DGKB: variants seen among roughly 807,000 people sequenced by gnomAD.
The protein encoded by DGKB is 90 kDa diacylglycerol kinase.
In DGKB, 67 loss-of-function variants were observed where a neutral mutation model predicts 114.3. The ratio of observed to expected loss-of-function variants is 0.59; its 90% confidence interval spans 0.48 to 0.72. The LOEUF is 0.72. Ranked by LOEUF, DGKB falls within the 30% of genes least tolerant of loss-of-function variation. The pLI is 0.00. For synonymous variants in DGKB, 398 were observed against 323.1 expected (o/e 1.23, Z -2.49); for missense variants, 907 against 975.2 (o/e 0.93, Z 0.93).
chr7:14,495,497 G>A (rs930595877), intron 20 of DGKB, among the ~76,000 whole-genome samples: 1 of 151,688 alleles, frequency 6.6e-6, no homozygotes, highest in African/African-American at 2.4e-5. Flanking sequence ...CAGCAAAATA[G>A]ACGAAACAAA....
chr7:14,368,443 C>T (rs571595040), intron 21 of DGKB, among the ~76,000 whole-genome samples: 1 of 152,150 alleles, frequency 6.6e-6, no homozygotes, highest in East Asian at 1.9e-4. Context: ...TAGCACTAGG[C>T]GTGGCACACA....
chr7:14,442,326 G>T (rs1830188372), intron 21 of DGKB, among the ~76,000 whole-genome samples: 1 of 151,002 alleles, frequency 6.6e-6, no homozygotes, highest in South Asian at 2.1e-4. Flanking sequence ...TTCTTTTTTT[G>T]TTACTTGGGT....
intron 1 of DGKB, among the ~76,000 whole-genome samples, chr7:14,871,573 G>T (rs1390909740): frequency 6.6e-6 from 1 of 152,142 alleles, no homozygotes; most frequent in Non-Finnish European, 1.5e-5. Context: ...AATACGCCTA[G>T]ATACTTGGTA....
At chr7:14,389,307 T>C (rs1042970118) in intron 21 of DGKB, among the ~76,000 whole-genome samples, 5 of 152,212 alleles carry the variant, frequency 3.3e-5, no homozygotes, top group Non-Finnish European at 4.4e-5. Flanking sequence ...TGCACACCAT[T>C]ATGTTGTCCC....
At chr7:14,367,778 G>A (rs1310124173) in intron 21 of DGKB, among the ~76,000 whole-genome samples, 1 of 152,018 alleles carries the variant, frequency 6.6e-6, no homozygotes, top group Non-Finnish European at 1.5e-5. Context: ...AGGGAAGCAA[G>A]CACCTTTGTC....
chr7:14,669,454 C>T (rs886620074), intron 13 of DGKB, among the ~76,000 whole-genome samples: 3 of 152,138 alleles, frequency 2.0e-5, no homozygotes, highest in Non-Finnish European at 4.4e-5. Flanking sequence ...GTTCTGTCCC[C>T]AGATAGCCAC....
intron 8 of DGKB, among the ~76,000 whole-genome samples, chr7:14,694,643 G>T (rs1427300210): frequency 6.6e-6 from 1 of 152,154 alleles, no homozygotes; most frequent in African/African-American, 2.4e-5. Context: ...ATTTAATAGA[G>T]TCGAGAAGTT....
intron 20 of DGKB, among the ~76,000 whole-genome samples, chr7:14,544,237 C>T (rs1204549585): frequency 6.6e-6 from 1 of 152,018 alleles, no homozygotes; most frequent in African/African-American, 2.4e-5. Flanking sequence ...CTTTTGTAGG[C>T]CTTTAAAAAT....
chr7:14,355,489 G>C (rs76905226), intron 21 of DGKB, among the ~76,000 whole-genome samples: 6 of 152,058 alleles, frequency 3.9e-5, no homozygotes, highest in Admixed American at 6.6e-5. Flanking sequence ...TAGCATGAAG[G>C]GCTGTTGAAT....
chr7:14,636,320 G>A (rs1299123079), intron 13 of DGKB, among the ~76,000 whole-genome samples: 7 of 151,734 alleles, frequency 4.6e-5, no homozygotes, highest in Admixed American at 3.9e-4. Context: ...GAATGATGCA[G>A]AACCTTTCCT....
chr7:14,307,151 G>C (rs533430349), intron 23 of DGKB, among the ~76,000 whole-genome samples: 100 of 152,154 alleles, frequency 6.6e-4, no homozygotes, highest in African/African-American at 2.3e-3. Flanking sequence ...AATAATATTA[G>C]TAGACAATGG....
chr7:14,508,026 T>G (rs958006952), intron 20 of DGKB, among the ~76,000 whole-genome samples: 110 of 152,330 alleles, frequency 7.2e-4, no homozygotes, highest in African/African-American at 2.5e-3. Flanking sequence ...TCAACAAAGG[T>G]TGGTGTTTAG....
In DGKB at chr7:14,580,881, T is replaced by C. The variant is rs1563576402; in HGVS notation, c.1590A>G (p.Arg530=). 2 of 1,604,530 alleles carry C rather than the reference T, an allele frequency of 1.2e-6. No individual in the cohort carries two copies. The highest frequency in any genetic ancestry group is 1.7e-6 in the Non-Finnish European group (2 of 1,173,422). The change falls in exon 19 of 26, where the codon AGA becomes AGG. Residue 530 remains arginine, a synonymous_variant. Coordinates refer to ENST00000402815, the MANE Select transcript of DGKB (RefSeq NM_001350709.2). ...CTTTACCTCCTCCCCATCGCAGGCA[T>C]CTTGCTAGATCATTGCCAGTCCCAA... The part of the protein sequence containing the change: ...LPLGTGNDLA[R]CLRWGGGYEG...
At chr7:14,342,091 C>T (rs977771700) in intron 22 of DGKB, among the ~76,000 whole-genome samples, 1 of 151,776 alleles carries the variant, frequency 6.6e-6, no homozygotes, top group Non-Finnish European at 1.5e-5. Context: ...GGTTACTGAG[C>T]AATAAGAATA....
rs532872430 is a variant in DGKB at position 14,883,806 on chromosome 7, T to G, written c.-188+18786A>C. Among the ~76,000 whole-genome samples the G allele has an allele frequency of 5.3e-5, 8 of 152,164 alleles. No individual in the cohort carries two copies. In the South Asian group the frequency reaches 1.7e-3, roughly 31 times the overall value. ...ATTTAACTAAGGTCATAACAAATGCTGTAGTGAAAGAAGCACATATACATT... is the reference window on the plus strand; with the variant it reads ...ATTTAACTAAGGTCATAACAAATGCGGTAGTGAAAGAAGCACATATACATT... On this transcript the variant is annotated intron_variant, in intron 1 of 25. Coordinates refer to ENST00000402815, the MANE Select transcript of DGKB (RefSeq NM_001350709.2).
chr7:14,158,425 A>G (rs1328902733), intron 25 of DGKB, among the ~76,000 whole-genome samples: 1 of 152,198 alleles, frequency 6.6e-6, no homozygotes, highest in East Asian at 1.9e-4. Flanking sequence ...ATCAGAGAGC[A>G]TAATTATTTC....
intron 13 of DGKB, among the ~76,000 whole-genome samples, chr7:14,638,883 C>T (rs552679104): frequency 6.6e-6 from 1 of 151,874 alleles, no homozygotes; most frequent in South Asian, 2.1e-4. Flanking sequence ...TAAAAAAATA[C>T]AAAAATTATC....
chr7:14,919,394 G>A (rs1784410452), intron 1 of DGKB, among the ~76,000 whole-genome samples: 2 of 152,102 alleles, frequency 1.3e-5, no homozygotes. Context: ...TTCAACAAGT[G>A]CTGCTGGAAA....
At position 14,819,521 on chromosome 7, in the gene DGKB, C is replaced by A. The variant is rs553543029; in HGVS notation, c.70+21673G>T. ...GGAAGGATTACTTGAGCCTGGGAGG[C>A]GGAGGTTGCAGTGAGCTGAGATCAC... On this transcript the variant is annotated intron_variant, in intron 2 of 25. Transcript: ENST00000402815. Among the ~76,000 whole-genome samples, 28 of 152,006 alleles carry A rather than the reference C, an allele frequency of 1.8e-4. No individual in the cohort carries two copies. In the East Asian group the frequency reaches 4.8e-3, roughly 26 times the overall value.
Sources: allele counts gnomAD v4.1 joint callset (sites outside exome capture counted in the v4.1 genomes callset), GRCh38; gene constraint gnomAD v4.1.1; transcripts MANE v1.5; gene names NCBI Gene and HGNC (gene_info 2026-07-23, HGNC 2026-07-21).